Variants in STK25 observed in about 807,000 individuals in gnomAD.
The protein encoded by STK25 is serine/threonine kinase 25.
STK25 carries 29 observed loss-of-function variants against 53.8 expected under a neutral mutation model. That is an observed-to-expected ratio of 0.54 (90% confidence interval 0.40 to 0.74). STK25 has a LOEUF of 0.74. Among genes scored for constraint, STK25 ranks in the 30% least tolerant of loss-of-function variants. The pLI is 0.00. For synonymous variants in STK25, 247 were observed against 238.3 expected (o/e 1.04, Z -0.33); for missense variants, 420 against 568.0 (o/e 0.74, Z 2.65).
chr2:241,500,672 C>A, intron 4 of STK25, 68 bp downstream of exon 4: 1 of 1,518,076 alleles, frequency 6.6e-7, no homozygotes. Context: ...GCCCCTGGAG[C>A]CCATGAGTCT....
At chr2:241,508,792 C>A, upstream of STK25, 1 of 974,758 alleles carries the variant, frequency 1.0e-6, no homozygotes, top group Non-Finnish European at 1.2e-6. Context: ...GTTTGGACTG[C>A]GTCTCCCGGC....
In STK25 at chr2:241,498,701, G is replaced by A. The variant is rs750978062; in HGVS notation, c.855C>T (p.Asp285=). Residue 285 remains aspartate, a synonymous_variant, in exon 8 of 12, where the codon GAC becomes GAT. Transcript: ENST00000316586. ...KKTSFLTELI[D]RYKRWKSEGH... ...CCTCTGACTTCCAGCGCTTATAGCG[G>A]TCGATGAGCTCCGTGAGGAAGGAGG... The A allele has an allele frequency of 6.2e-7, 1 of 1,614,132 alleles. No homozygotes were observed. Among genetic ancestry groups the A allele is most frequent in the Non-Finnish European group, 8.5e-7 (1 of 1,180,028 alleles).
chr2:241,504,511 TAA>T (rs2065706293), intron 2 of STK25, among the ~76,000 whole-genome samples: 2 of 152,208 alleles, frequency 1.3e-5, no homozygotes, highest in African/African-American at 2.4e-5. Context: ...CCATGTGTTC[TAA>T]AGAGAAGCCA....
chr2:241,505,057 C>A (rs1213774691), intron 2 of STK25, among the ~76,000 whole-genome samples: 3 of 151,520 alleles, frequency 2.0e-5, no homozygotes, highest in Non-Finnish European at 4.4e-5. Flanking sequence ...GCCGGACTTA[C>A]AGGCACCCGC....
In STK25 at chr2:241,501,317, G is replaced by C. The variant is rs1380018413; in HGVS notation, c.261+161C>G. The C allele has an allele frequency of 7.0e-6, 5 of 715,728 alleles. No individual in the cohort carries two copies. In the East Asian group the frequency reaches 1.1e-4, roughly 16 times the overall value. 44.3% of individuals were successfully genotyped at this position (715,728 alleles called of 1,614,324 possible). On this transcript the variant is annotated intron_variant, in intron 3 of 11. Coordinates refer to ENST00000316586, the MANE Select transcript of STK25 (RefSeq NM_001271977.2). The surrounding 1 kb of genome is among the most constrained non-coding windows in gnomAD (Gnocchi z 5.3). ...CATTTAGAGCCAACTGACCCTCGTG[G>C]ACGAGGGCTCACACCCTGCCTGCCC...
chr2:241,496,576 G>A lies in STK25; in HGVS notation c.1105-42C>T. ...ACGCCTGACCCTGGACCCCAGGACAGGCCTTCAGGGAGCCTGCTCCTTTGC... is the reference window on the plus strand; with the variant it reads ...ACGCCTGACCCTGGACCCCAGGACAAGCCTTCAGGGAGCCTGCTCCTTTGC... On this transcript the variant is annotated intron_variant, in intron 10 of 11. Coordinates refer to ENST00000316586, the MANE Select transcript of STK25 (RefSeq NM_001271977.2). The surrounding 1 kb of genome is among the most constrained non-coding windows in gnomAD (Gnocchi z 5.8). 2 of 1,592,016 alleles carry A rather than the reference G, an allele frequency of 1.3e-6. No homozygotes were observed. The highest frequency in any genetic ancestry group is 1.7e-6 in the Non-Finnish European group (2 of 1,165,146).
rs778883751 is a variant in STK25 at position 241,493,085 on chromosome 2, C to T, written c.*2577G>A. The stretch of plus-strand genomic sequence containing the variant: ...AATGCAGGTGATGCTAGCAGACAGA[C>T]ACTTAACCCTGCTCACCTGTGTCCC... On this transcript the variant is annotated 3_prime_UTR_variant, in exon 12 of 12. Coordinates refer to ENST00000316586, the MANE Select transcript of STK25 (RefSeq NM_001271977.2). 3 of 1,181,414 alleles carry T rather than the reference C, an allele frequency of 2.5e-6. No homozygotes were observed. The highest frequency in any genetic ancestry group is 3.8e-6 in the Non-Finnish European group (3 of 785,676). The allele number at this position is 1,181,414 out of a possible 1,614,324, so 73.2% of individuals were successfully genotyped here. A position where few individuals can be genotyped will look rare whatever the true frequency, so the allele number is the denominator to read the frequency against.
chr2:241,497,714 AGCAGGGCAGTGCAGGTGACAGGCAGG>A (rs1303610951), intron 9 of STK25, 27 bp from the exon 10 acceptor site: 1 of 1,610,722 alleles, frequency 6.2e-7, no homozygotes, highest in East Asian at 2.2e-5. Flanking sequence ...GCCCAGGGTG[AGCAGGGCAGTGCAGGTGACAGGCAGG>A]GCACTCCCAT....
Position 241,496,474 on chromosome 2 carries a change from C to T in STK25, c.1165G>A (p.Ala389Thr), listed in dbSNP as rs763534616. ...CAGGACTCCTCGGCCAGGCTGAAGGCGTTCTCCAGCTCCTCCAGCGCACCC... is the reference window on the plus strand; with the variant it reads ...CAGGACTCCTCGGCCAGGCTGAAGGTGTTCTCCAGCTCCTCCAGCGCACCC... ...SVGALEELEN[A>T]FSLAEESCPG... Residue 389 changes from alanine (A) to threonine (T), a missense_variant, in exon 11 of 12, where the codon GCC becomes ACC. Coordinates refer to ENST00000316586, the MANE Select transcript of STK25 (RefSeq NM_001271977.2). This position sits in a 1 kb window ranked among gnomAD's most constrained non-coding sequence, Gnocchi z 5.8. 1.9e-6 allele frequency: 3 copies of T among 1,613,554 alleles called. No homozygotes were observed. Among genetic ancestry groups the T allele is most frequent in the Admixed American group, 1.7e-5 (1 of 60,008 alleles).
In STK25 at chr2:241,495,588, A is replaced by T; in HGVS notation, c.*74T>A. 6.4e-7 allele frequency: 1 copy of T among 1,563,380 alleles called. No homozygotes were observed. Among genetic ancestry groups the T allele is most frequent in the South Asian group, 1.1e-5 (1 of 90,070 alleles). On this transcript the variant is annotated 3_prime_UTR_variant, in exon 12 of 12. Coordinates refer to ENST00000316586, the MANE Select transcript of STK25 (RefSeq NM_001271977.2). ...ACGACATAGCACAGGGCACCTTCCA[A>T]GTCAGCACAGTTCTTATGGAGCTCA... is the stretch of plus-strand genomic sequence containing the variant.
chr2:241,495,603 T>C lies in STK25; in HGVS notation c.*59A>G. 1.9e-6 allele frequency: 3 copies of C among 1,586,816 alleles called. No individual in the cohort carries two copies. Among genetic ancestry groups the C allele is most frequent in the Admixed American group, 3.3e-5 (2 of 59,972 alleles). ...GCACCTTCCAAGTCAGCACAGTTCT[T>C]ATGGAGCTCAGAACAAAAACAAACG... On this transcript the variant is annotated 3_prime_UTR_variant, in exon 12 of 12. Coordinates refer to ENST00000316586, the MANE Select transcript of STK25 (RefSeq NM_001271977.2).
At position 241,500,802 on chromosome 2, in the gene STK25, A is replaced by T; in HGVS notation, c.262-6T>A. On this transcript the variant is annotated splice_region_variant and splice_polypyrimidine_tract_variant and intron_variant, in intron 3 of 11. Transcript: ENST00000316586. ...ATGATCCATAGCTTGGTGCTCTGGG[A>T]CCGGAGACAAACCCATCAGCATTTG... 6.2e-7 allele frequency: 1 copy of T among 1,613,584 alleles called. No homozygotes were observed. The highest frequency in any genetic ancestry group is 8.5e-7 in the Non-Finnish European group (1 of 1,179,766).
At chr2:241,503,742 A>C (rs73008126) in intron 2 of STK25, among the ~76,000 whole-genome samples, 16,992 of 150,618 alleles carry the variant, frequency 0.11, 1,226 homozygotes, top group Non-Finnish European at 0.15. Flanking sequence ...TTATGCCACA[A>C]AAAAAAACAC....
chr2:241,504,033 C>G, intron 2 of STK25: 1 of 471,240 alleles, frequency 2.1e-6, no homozygotes, highest in Non-Finnish European at 4.4e-6. Context: ...CACACAGGCC[C>G]CCACCTTGAA....
At chr2:241,507,297 G>C (rs2065889892) in intron 2 of STK25, among the ~76,000 whole-genome samples, 1 of 152,216 alleles carries the variant, frequency 6.6e-6, no homozygotes, top group South Asian at 2.1e-4. Flanking sequence ...CCAGCAGCTG[G>C]TCCTCATTCC....
chr2:241,498,256 C>T lies in STK25; in HGVS notation c.1011G>A (p.Thr337=), dbSNP rs771338673. The T allele has an allele frequency of 7.4e-6, 12 of 1,612,454 alleles. No individual in the cohort carries two copies. Among genetic ancestry groups the T allele is most frequent in the Non-Finnish European group, 1.0e-5 (12 of 1,178,776 alleles). ...AGACCTTCTGTGAACTGTGCAGGGC[C>T]GTCCCCTTGTGAAGCTTGCTGTGTG... ...PSPHSKLHKG[T]ALHSSQKPAE... is the part of the protein sequence containing the mutation. The change falls in exon 9 of 12, where the codon ACG becomes ACA. Residue 337 remains threonine (T), a synonymous_variant. Coordinates refer to ENST00000316586, the MANE Select transcript of STK25 (RefSeq NM_001271977.2).
At position 241,496,818 on chromosome 2, in the gene STK25, C is replaced by G. The variant is rs1279623779; in HGVS notation, c.1105-284G>C. On this transcript the variant is annotated intron_variant, in intron 10 of 11. Coordinates refer to ENST00000316586, the MANE Select transcript of STK25 (RefSeq NM_001271977.2). This position sits in a 1 kb window ranked among gnomAD's most constrained non-coding sequence, Gnocchi z 5.8. ...CAGGAGGGGACCAGATGGCTTCCTC[C>G]CAGCCGAGGGTCATGGAAGCCACTC... Among the ~76,000 whole-genome samples, 1 of 152,152 alleles carries G rather than the reference C, an allele frequency of 6.6e-6. No individual in the cohort carries two copies. Among genetic ancestry groups the G allele is most frequent in the African/African-American group, 2.4e-5 (1 of 41,448 alleles).
Position 241,492,772 on chromosome 2 carries a change from T to TAAGTA in STK25, c.*2885_*2889dup. 3.5e-6 allele frequency: 2 copies of TAAGTA among 579,310 alleles called. No individual in the cohort carries two copies. The highest frequency in any genetic ancestry group is 6.2e-6 in the Non-Finnish European group (2 of 323,696). The allele number at this position is 579,310 out of a possible 1,614,324, so 35.9% of individuals were successfully genotyped here. A position where few individuals can be genotyped will look rare whatever the true frequency, so the allele number is the denominator to read the frequency against. ...GTTTTTAACATGCTTCTGTTGGACT[T>TAAGTA]AAGTACTGATAAAGCTGCTGTTCAT... On this transcript the variant is annotated 3_prime_UTR_variant, in exon 12 of 12. Transcript: ENST00000316586.
At position 241,492,896 on chromosome 2, in the gene STK25, G is replaced by A; in HGVS notation, c.*2766C>T. On this transcript the variant is annotated 3_prime_UTR_variant, in exon 12 of 12. Coordinates refer to ENST00000316586, the MANE Select transcript of STK25 (RefSeq NM_001271977.2). ...CTCCCACAAGGGGTCCTGGGTGCTG[G>A]TTAATGCACCTGCATTTTTCCTTTA... 1 of 1,296,350 alleles carries A rather than the reference G, an allele frequency of 7.7e-7. No homozygotes were observed. The highest frequency in any genetic ancestry group is 1.4e-5 in the African/African-American group (1 of 68,992). The allele number at this position is 1,296,350 out of a possible 1,614,324, so 80.3% of individuals were successfully genotyped here.
Sources: allele counts gnomAD v4.1 joint callset (sites outside exome capture counted in the v4.1 genomes callset), GRCh38; gene constraint gnomAD v4.1.1; non-coding constraint Gnocchi (gnomAD v3.1); transcripts MANE v1.5; gene names NCBI Gene and HGNC (gene_info 2026-07-23, HGNC 2026-07-21).